The following VRK2 variants were observed in gnomAD, a reference collection of about 807,000 sequenced individuals.
The protein encoded by VRK2 is VRK serine/threonine kinase 2.
A neutral mutation model predicts 57.6 loss-of-function variants in VRK2; 60 were observed. The observed-to-expected ratio is 1.04, with a 90% CI of 0.85 to 1.29. VRK2 has a LOEUF of 1.29. Among genes scored for constraint, VRK2 ranks in the 50% most tolerant of loss-of-function variants. The pLI is 0.00. For missense variants in VRK2, 705 were observed against 588.1 expected, an observed-to-expected ratio of 1.20 and a Z score of -2.06; for synonymous variants, 231 against 199.2, an observed-to-expected ratio of 1.16 and a Z score of -1.35.
At position 58,137,175 on chromosome 2, in the gene VRK2, T is replaced by TACATATC. The variant is rs1325824168; in HGVS notation, c.856+1977_856+1978insCATATCA. The stretch of plus-strand genomic sequence containing the variant: ...ATGTGTTTATATATATCATATATCA[T>TACATATC]ATATATCATATATGATACATATATA... On this transcript the variant is annotated intron_variant, in intron 10 of 12. Coordinates refer to ENST00000340157, the MANE Select transcript of VRK2 (RefSeq NM_006296.7). Among the ~76,000 whole-genome samples, 5 of 82,276 alleles carry TACATATC rather than the reference T, an allele frequency of 6.1e-5. No individual in the cohort carries two copies. The South Asian group carries it at 1.8e-3, about 30-fold the overall frequency. The allele number at this position is 82,276 out of a possible 152,430, so 54.0% of individuals were successfully genotyped here.
At chr2:57,963,490 C>T (rs985014528) in intron 1 of VRK2, among the ~76,000 whole-genome samples, 1 of 152,168 alleles carries the variant, frequency 6.6e-6, no homozygotes, top group Non-Finnish European at 1.5e-5. Flanking sequence ...AAGGAAGATA[C>T]ATCTTATGTG....
rs1236853333 is a variant in VRK2, at chr2:58,159,702, C to G, written c.*9C>G. 1.2e-6 allele frequency: 2 copies of G among 1,611,662 alleles called. No homozygotes were observed. Among genetic ancestry groups the G allele is most frequent in the African/African-American group, 2.7e-5 (2 of 74,674 alleles). ...CTTTATTTTTTCTCTGAAGATGATA[C>G]CAAAATTCCTTTTGATAATTTTTTA... On this transcript the variant is annotated 3_prime_UTR_variant, in exon 13 of 13. Coordinates refer to ENST00000340157, the MANE Select transcript of VRK2 (RefSeq NM_006296.7).
chr2:58,113,152 T>C (rs528859993), intron 7 of VRK2, among the ~76,000 whole-genome samples: 68 of 151,858 alleles, frequency 4.5e-4, no homozygotes, highest in African/African-American at 1.5e-3. Flanking sequence ...CTACTAAAAA[T>C]ACAAAAATTA....
intron 1 of VRK2, among the ~76,000 whole-genome samples, chr2:57,963,983 C>T (rs1671836620): frequency 6.6e-6 from 1 of 152,154 alleles, no homozygotes; most frequent in African/African-American, 2.4e-5. Context: ...CTCTATCTTT[C>T]TTCAGTTTTT....
At chr2:58,081,024 C>A (rs10176681) in intron 2 of VRK2, among the ~76,000 whole-genome samples, 10,086 of 151,932 alleles carry the variant, frequency 0.066, 1,120 homozygotes, top group African/African-American at 0.23. Flanking sequence ...TACCCTTAAA[C>A]TTTGTCTTAC....
chr2:58,104,964 A>G (rs1383345712), intron 7 of VRK2, among the ~76,000 whole-genome samples: 1 of 152,000 alleles, frequency 6.6e-6, no homozygotes, highest in Non-Finnish European at 1.5e-5. Context: ...TGGGGAAAGG[A>G]CACCCTGTTC....
intron 1 of VRK2, among the ~76,000 whole-genome samples, chr2:58,009,537 T>C (rs996095307): frequency 1.3e-5 from 2 of 149,234 alleles, no homozygotes; most frequent in Non-Finnish European, 3.0e-5. Context: ...GTATGTCTTC[T>C]AACCACTCAA....
intron 1 of VRK2, among the ~76,000 whole-genome samples, chr2:57,926,997 CTTGTGTGTGT>C (rs1229751668): frequency 7.7e-6 from 1 of 130,326 alleles, no homozygotes; most frequent in South Asian, 2.7e-4. Context: ...GTTTTAATTT[CTTGTGTGTGT>C]GTGTGTGTGT....
intron 1 of VRK2, among the ~76,000 whole-genome samples, chr2:57,940,354 C>T (rs564161656): frequency 1.5e-4 from 23 of 152,236 alleles, no homozygotes; most frequent in African/African-American, 5.5e-4. Flanking sequence ...TCCTCCTGTC[C>T]TCCATTTTTT....
At chr2:57,911,860 C>A (rs1345218020) in intron 1 of VRK2, among the ~76,000 whole-genome samples, 1 of 152,138 alleles carries the variant, frequency 6.6e-6, no homozygotes, top group East Asian at 1.9e-4. Context: ...AGCAAAACAG[C>A]AGGGCTTGTC....
At chr2:58,029,338 T>A (rs1479646567) in intron 2 of VRK2, among the ~76,000 whole-genome samples, 2 of 152,108 alleles carry the variant, frequency 1.3e-5, no homozygotes, top group African/African-American at 4.8e-5. Flanking sequence ...TTCTTTTCTG[T>A]CTTAAACCAG....
chr2:57,940,845 T>C (rs1411799227), intron 1 of VRK2, among the ~76,000 whole-genome samples: 1 of 151,822 alleles, frequency 6.6e-6, no homozygotes, highest in Non-Finnish European at 1.5e-5. Flanking sequence ...TAAATTTAGA[T>C]ATTAAATGTA....
intron 1 of VRK2, among the ~76,000 whole-genome samples, chr2:58,000,311 T>A (rs1673052415): frequency 6.6e-6 from 1 of 152,166 alleles, no homozygotes; most frequent in Non-Finnish European, 1.5e-5. Flanking sequence ...CTGGGTTTTT[T>A]AAAAAGCTCC....
intron 11 of VRK2, among the ~76,000 whole-genome samples, chr2:58,141,457 G>T (rs1681322783): frequency 6.6e-6 from 1 of 151,768 alleles, no homozygotes; most frequent in African/African-American, 2.4e-5. Context: ...CCTCCATCAA[G>T]AATATTTTAT....
intron 1 of VRK2, among the ~76,000 whole-genome samples, chr2:57,980,181 A>T (rs1297680460): frequency 6.6e-6 from 1 of 152,136 alleles, no homozygotes; most frequent in Non-Finnish European, 1.5e-5. Flanking sequence ...AGCACTATAA[A>T]CTTTTATCTT....
intron 7 of VRK2, among the ~76,000 whole-genome samples, chr2:58,092,932 C>T (rs553309890): frequency 5.1e-4 from 78 of 152,172 alleles, no homozygotes; most frequent in Non-Finnish European, 5.1e-4. Context: ...TTTGTTCTTG[C>T]GATAGTTTCC....
rs563828905 is a variant in VRK2, at chr2:58,006,730, G to A, written c.-438-18935G>A. ...AGTAGAGTCAAAGCAACAATCAGAA[G>A]AGCTGGCCTTGAACTGACCTATGGC... On this transcript the variant is annotated intron_variant, in intron 1 of 15. Transcript: ENST00000417641. Among the ~76,000 whole-genome samples the A allele has an allele frequency of 3.5e-4, 53 of 152,234 alleles. 1 individual carries two copies. The South Asian group carries it at 9.5e-3, about 27-fold the overall frequency.
chr2:58,133,096 A>T (rs1417477331), intron 9 of VRK2, among the ~76,000 whole-genome samples: 1 of 152,144 alleles, frequency 6.6e-6, no homozygotes, highest in African/African-American at 2.4e-5. Flanking sequence ...TTAAAAAACT[A>T]ACATTTTAAT....
intron 1 of VRK2, among the ~76,000 whole-genome samples, chr2:57,938,007 T>C (rs1670972771): frequency 6.6e-6 from 1 of 151,972 alleles, no homozygotes; most frequent in African/African-American, 2.4e-5. Flanking sequence ...AATTTTTGTA[T>C]TTTTGGTAGA....
Sources: allele counts gnomAD v4.1 joint callset (sites outside exome capture counted in the v4.1 genomes callset), GRCh38; gene constraint gnomAD v4.1.1; transcripts MANE v1.5; gene names NCBI Gene and HGNC (gene_info 2026-07-23, HGNC 2026-07-21).